Variants in SIPA1L1 observed in about 807,000 individuals in gnomAD.
SIPA1L1 encodes the protein signal induced proliferation associated 1 like 1.
A neutral mutation model predicts 162.7 loss-of-function variants in SIPA1L1; 26 were observed. The observed-to-expected ratio is 0.16, with a 90% confidence interval of 0.12 to 0.22. The LOEUF (loss-of-function observed/expected upper bound fraction) is 0.22. Ranked by LOEUF, SIPA1L1 falls within the 10% of genes least tolerant of loss-of-function variation. SIPA1L1 has a pLI of 1.00. For missense variants in SIPA1L1, 1,874 were observed against 2,241.0 expected (o/e 0.84, Z 3.31); for synonymous variants, 829 against 837.4 (o/e 0.99, Z 0.17).
At chr14:71,404,797 C>T (rs1247056849) in intron 2 of SIPA1L1, among the ~76,000 whole-genome samples, 1 of 152,122 alleles carries the variant, frequency 6.6e-6, no homozygotes, top group Admixed American at 6.5e-5. Context: ...TTACAAAGAA[C>T]TTAGTAGAAT....
chr14:71,398,759 G>A (rs2041427053), intron 2 of SIPA1L1, among the ~76,000 whole-genome samples: 1 of 152,296 alleles, frequency 6.6e-6, no homozygotes, highest in Admixed American at 6.5e-5. Flanking sequence ...GTAGAACTTT[G>A]TGGTCTTTTG....
chr14:71,348,383 C>G (rs918527988), intron 2 of SIPA1L1, among the ~76,000 whole-genome samples: 1 of 152,184 alleles, frequency 6.6e-6, no homozygotes. Flanking sequence ...TCTTTTGTAC[C>G]TGGTTTATCT....
At chr14:71,705,077 A>T in intron 15 of SIPA1L1, 145 bp from the exon 16 acceptor site, 1 of 675,936 alleles carries the variant, frequency 1.5e-6, no homozygotes, top group Non-Finnish European at 2.6e-6. Context: ...CTGTCTATCA[A>T]ATAGACTCTT....
chr14:71,732,923 C>T (rs2084933536), intron 20 of SIPA1L1, among the ~76,000 whole-genome samples: 1 of 152,168 alleles, frequency 6.6e-6, no homozygotes, highest in Admixed American at 6.5e-5. Flanking sequence ...TAAAAATAAA[C>T]CCTATTAAAC....
chr14:71,477,857 C>T (rs1056448219), intron 2 of SIPA1L1, among the ~76,000 whole-genome samples: 11 of 151,398 alleles, frequency 7.3e-5, no homozygotes, highest in Non-Finnish European at 1.6e-4. Flanking sequence ...CTTTCCTTTC[C>T]CTTGGGTAAA....
chr14:71,508,855 G>C (rs1007175703), intron 2 of SIPA1L1, among the ~76,000 whole-genome samples: 1 of 152,064 alleles, frequency 6.6e-6, no homozygotes, highest in Non-Finnish European at 1.5e-5. Context: ...TGTAGTAAGT[G>C]GTAGAACTAA....
At position 71,588,179 on chromosome 14, in the gene SIPA1L1, T is replaced by G; in HGVS notation, c.307T>G (p.Ser103Ala). Reference sequence around the variant, plus strand: ...CCGTTCAAGCCAGGAAATAGAAACCTCAAGTTGCCTTGATAGCCTGTCCTC... The same window carrying G: ...CCGTTCAAGCCAGGAAATAGAAACCGCAAGTTGCCTTGATAGCCTGTCCTC... ...SSRSSQEIET[S>A]SCLDSLSSKS... is the part of the protein sequence containing the mutation. The change falls in exon 5 of 24, where the codon TCA becomes GCA. Residue 103 changes from serine to alanine, a missense_variant. Ser to Ala is a moderately conservative substitution (Grantham distance 99). This residue lies in a region of SIPA1L1 where 685 missense variants were observed against 828.0 expected (regional missense o/e 0.83). Coordinates refer to ENST00000381232, the MANE Select transcript of SIPA1L1 (RefSeq NM_001386936.1). This position sits in a 1 kb window ranked among gnomAD's most constrained non-coding sequence, Gnocchi z 4.3. 1 of 1,614,064 alleles carries G rather than the reference T, an allele frequency of 6.2e-7. No individual in the cohort carries two copies. Among genetic ancestry groups the G allele is most frequent in the Non-Finnish European group, 8.5e-7 (1 of 1,179,988 alleles).
rs2082701248 is a variant in SIPA1L1, at chr14:71,709,343, A to G, written c.3887A>G (p.Asn1296Ser). The stretch of plus-strand genomic sequence containing the variant: ...ACAGAATCCGAACTCAACAGCTATA[A>G]CTATCTGCAAGGCACCTCTGCTGAC... ...DRTESELNSY[N>S]YLQGTSADSG... Residue 1296 changes from asparagine to serine, a missense_variant, in exon 17 of 24, where the codon AAC (asparagine) becomes AGC (serine). Physicochemically the swap from Asn to Ser is conservative, Grantham distance 46. Around this residue, in one of 5 missense-constraint regions of SIPA1L1, gnomAD observed 936 missense variants for 1,051.9 expected, o/e 0.89. Transcript: ENST00000381232. The G allele has an allele frequency of 4.3e-6, 7 of 1,614,204 alleles. No individual in the cohort carries two copies. Among genetic ancestry groups the G allele is most frequent in the Non-Finnish European group, 5.1e-6 (6 of 1,180,040 alleles).
At chr14:71,403,980 T>A (rs1361695343) in intron 2 of SIPA1L1, among the ~76,000 whole-genome samples, 1 of 148,086 alleles carries the variant, frequency 6.8e-6, no homozygotes, top group African/African-American at 2.5e-5. Context: ...CACACACACA[T>A]ACCCACCCAC....
At chr14:71,720,353 G>A (rs2083611956) in intron 17 of SIPA1L1, among the ~76,000 whole-genome samples, 1 of 152,140 alleles carries the variant, frequency 6.6e-6, no homozygotes, top group Non-Finnish European at 1.5e-5. Context: ...GGCCAAGGCT[G>A]GCAGATCACT....
intron 4 of SIPA1L1, among the ~76,000 whole-genome samples, chr14:71,553,744 C>T (rs957583250): frequency 2.0e-5 from 3 of 152,176 alleles, no homozygotes; most frequent in African/African-American, 7.2e-5. Context: ...GGTAGGGCTA[C>T]TCTACATCAT....
At chr14:71,620,782 T>G (rs1417549332) in intron 6 of SIPA1L1, among the ~76,000 whole-genome samples, 1 of 152,222 alleles carries the variant, frequency 6.6e-6, no homozygotes. Flanking sequence ...CCTCTTTTCT[T>G]TCTGCTTTAC....
chr14:71,700,822 T>TA (rs1566684268), intron 14 of SIPA1L1, among the ~76,000 whole-genome samples: 1 of 151,676 alleles, frequency 6.6e-6, no homozygotes, highest in Admixed American at 6.6e-5. Flanking sequence ...GTGAAACCTC[T>TA]TCTCTACTAA....
intron 10 of SIPA1L1, among the ~76,000 whole-genome samples, chr14:71,670,506 T>C (rs2044412485): frequency 1.3e-5 from 2 of 152,230 alleles, no homozygotes; most frequent in Admixed American, 1.3e-4. Context: ...AAGATTCTCA[T>C]ACTATTACTC....
At chr14:71,353,876 G>A (rs1383235268) in intron 2 of SIPA1L1, among the ~76,000 whole-genome samples, 1 of 151,910 alleles carries the variant, frequency 6.6e-6, no homozygotes, top group East Asian at 1.9e-4. Context: ...CAGAAGATGT[G>A]GAGTAGTGCC....
chr14:71,471,330 G>A (rs939279519), intron 2 of SIPA1L1, among the ~76,000 whole-genome samples: 1 of 152,156 alleles, frequency 6.6e-6, no homozygotes, highest in Admixed American at 6.5e-5. Flanking sequence ...TTAGTCGGGC[G>A]TGGTGGCATG....
chr14:71,620,123 G>A (rs1462057929), intron 6 of SIPA1L1, among the ~76,000 whole-genome samples: 1 of 152,230 alleles, frequency 6.6e-6, no homozygotes, highest in Non-Finnish European at 1.5e-5. Context: ...AGGCTAGAGT[G>A]CAATGGCGCG....
intron 17 of SIPA1L1, among the ~76,000 whole-genome samples, chr14:71,723,190 G>C (rs2083906250): frequency 6.6e-6 from 1 of 152,256 alleles, no homozygotes; most frequent in Middle Eastern, 3.2e-3. Flanking sequence ...ATGTGAGTCT[G>C]AAGAGCCATA....
intron 4 of SIPA1L1, among the ~76,000 whole-genome samples, chr14:71,582,462 A>C (rs117794266): frequency 6.6e-6 from 1 of 152,152 alleles, no homozygotes; most frequent in African/African-American, 2.4e-5. Flanking sequence ...TATACAAACT[A>C]TATTCAAGCT....
Sources: allele counts gnomAD v4.1 joint callset (sites outside exome capture counted in the v4.1 genomes callset), GRCh38; gene constraint gnomAD v4.1.1; regional missense constraint gnomAD v4.1.1; non-coding constraint Gnocchi (gnomAD v3.1); transcripts MANE v1.5; gene names NCBI Gene and HGNC (gene_info 2026-07-23, HGNC 2026-07-21).